Variants in TNPO1 observed in about 807,000 individuals in gnomAD.
TNPO1 encodes transportin 1, also known as transportin-1.
In TNPO1, 8 loss-of-function variants were observed where a neutral mutation model predicts 119.5. That is an observed-to-expected ratio of 0.07 (90% CI 0.04 to 0.12). TNPO1 has a LOEUF of 0.12. Among genes scored for constraint, TNPO1 ranks in the 10% least tolerant of loss-of-function variants. The pLI, the probability that TNPO1 is intolerant of heterozygous loss-of-function variation, is 1.00. For missense variants in TNPO1, 576 were observed against 1,089.8 expected (o/e 0.53, Z 6.64); for synonymous variants, 362 against 363.0 (o/e 1.00, Z 0.03).
At chr5:72,837,089 A>G (rs1373285535) in intron 1 of TNPO1, among the ~76,000 whole-genome samples, 1 of 152,066 alleles carries the variant, frequency 6.6e-6, no homozygotes, top group Non-Finnish European at 1.5e-5. Context: ...CCATTACCCA[A>G]TTGCAAAGCC....
intron 9 of TNPO1, among the ~76,000 whole-genome samples, chr5:72,881,959 T>A (rs1278836525): frequency 2.0e-5 from 3 of 152,220 alleles, no homozygotes; most frequent in Non-Finnish European, 4.4e-5. Flanking sequence ...TGGGACTTAC[T>A]GTCTTCACTT....
intron 18 of TNPO1, 112 bp from the exon 19 acceptor site, chr5:72,896,346 G>T: frequency 9.0e-6 from 5 of 558,118 alleles, no homozygotes; most frequent in Non-Finnish European, 1.2e-5. Context: ...TTTTTTAATG[G>T]TGAAACTTGT....
Position 72,900,969 on chromosome 5 carries a change from A to G in TNPO1, c.2415-5A>G. 1 of 1,598,628 alleles carries G rather than the reference A, an allele frequency of 6.3e-7. No homozygotes were observed. Among genetic ancestry groups the G allele is most frequent in the African/African-American group, 1.3e-5 (1 of 74,412 alleles). On this transcript the variant is annotated splice_polypyrimidine_tract_variant and splice_region_variant and intron_variant, in intron 21 of 24. Coordinates refer to ENST00000337273, the MANE Select transcript of TNPO1 (RefSeq NM_002270.4). ...AATGCTAAACTCAATTCTGTAATTCAATAGGTGCACCTCTCTGAGAAACAT... is the reference window on the plus strand; with the variant it reads ...AATGCTAAACTCAATTCTGTAATTCGATAGGTGCACCTCTCTGAGAAACAT...
At chr5:72,855,732 A>C in intron 3 of TNPO1, 42 bp from the exon 4 acceptor site, 1 of 1,497,948 alleles carries the variant, frequency 6.7e-7, no homozygotes, top group Non-Finnish European at 9.0e-7. Flanking sequence ...TTTTGAAATT[A>C]AGACTACTTC....
rs553828957 is a variant in TNPO1, at chr5:72,825,557, C to G, written c.15+8805C>G. The stretch of plus-strand genomic sequence containing the variant: ...AAAAAATTAGCCGGGCGTGGTGGCA[C>G]GTGCCTGTAGTCCCAGCTACTCGGG... On this transcript the variant is annotated intron_variant, in intron 1 of 24. Transcript: ENST00000337273. Among the ~76,000 whole-genome samples the G allele has an allele frequency of 2.6e-5, 4 of 152,154 alleles. No individual in the cohort carries two copies. The South Asian group carries it at 8.3e-4, about 32-fold the overall frequency.
chr5:72,820,719 T>C (rs1164407878), intron 1 of TNPO1, among the ~76,000 whole-genome samples: 4 of 152,204 alleles, frequency 2.6e-5, no homozygotes, highest in African/African-American at 7.2e-5. Flanking sequence ...TTATATCATA[T>C]ACATATTCAG....
In TNPO1 at chr5:72,914,248, T is replaced by G. The variant is rs1364096227; in HGVS notation, c.*5575T>G. On this transcript the variant is annotated 3_prime_UTR_variant, in exon 25 of 25. Coordinates refer to ENST00000337273, the MANE Select transcript of TNPO1 (RefSeq NM_002270.4). ...GCTGCTGAATTTTAAAGAGAGTTTTTTGGGGCCACCAAATATTTTGGATCA... is the reference window on the plus strand; with the variant it reads ...GCTGCTGAATTTTAAAGAGAGTTTTGTGGGGCCACCAAATATTTTGGATCA... The G allele has an allele frequency of 6.6e-6, 1 of 152,632 alleles. No individual in the cohort carries two copies. Among genetic ancestry groups the G allele is most frequent in the Non-Finnish European group, 1.5e-5 (1 of 68,022 alleles). 9.5% of individuals were successfully genotyped at this position (152,632 alleles called of 1,614,324 possible). A position where few individuals can be genotyped will look rare whatever the true frequency, so the allele number is the denominator to read the frequency against.
At chr5:72,906,717 A>G (rs1166394543) in intron 24 of TNPO1, among the ~76,000 whole-genome samples, 4 of 152,086 alleles carry the variant, frequency 2.6e-5, no homozygotes, top group Non-Finnish European at 5.9e-5. Flanking sequence ...CTCATCTCTG[A>G]GCTTCGGTTT....
At chr5:72,902,498 A>G (rs1437477884) in intron 22 of TNPO1, among the ~76,000 whole-genome samples, 1 of 150,540 alleles carries the variant, frequency 6.6e-6, no homozygotes, top group Non-Finnish European at 1.5e-5. Flanking sequence ...AGCTTTTGAC[A>G]TTTTCTGGGT....
chr5:72,898,855 C>T (rs1215409094), intron 20 of TNPO1, among the ~76,000 whole-genome samples: 1 of 152,116 alleles, frequency 6.6e-6, no homozygotes, highest in Non-Finnish European at 1.5e-5. Context: ...TAGTTTGCTT[C>T]AAGTAATCCT....
intron 18 of TNPO1, among the ~76,000 whole-genome samples, chr5:72,894,424 C>T (rs1186800719): frequency 6.6e-6 from 1 of 152,218 alleles, no homozygotes; most frequent in African/African-American, 2.4e-5. Context: ...GTAATGCCAG[C>T]ACTTTGGAAG....
At chr5:72,893,018 C>T in intron 15 of TNPO1, 121 bp from the exon 16 acceptor site, 1 of 671,670 alleles carries the variant, frequency 1.5e-6, no homozygotes, top group South Asian at 1.9e-5. Flanking sequence ...GAACCTGCTA[C>T]TGTAGAAACT....
chr5:72,820,978 A>G (rs1743932553), intron 1 of TNPO1, among the ~76,000 whole-genome samples: 1 of 152,194 alleles, frequency 6.6e-6, no homozygotes, highest in East Asian at 1.9e-4. Context: ...AATAGGTGAG[A>G]GAAAACCAAA....
At position 72,858,146 on chromosome 5, in the gene TNPO1, A is replaced by G. The variant is rs138166542; in HGVS notation, c.355+2223A>G. On this transcript the variant is annotated intron_variant, in intron 4 of 24. Coordinates refer to ENST00000337273, the MANE Select transcript of TNPO1 (RefSeq NM_002270.4). ...TACTACAGATGAAGGAGCTTCAAAC[A>G]TAACTGCAGTGTATTTTCAAATGAC... is the stretch of plus-strand genomic sequence containing the variant. Among the ~76,000 whole-genome samples, 305 of 152,368 alleles carry G rather than the reference A, an allele frequency of 2.0e-3. 3 individuals carry two copies. Among genetic ancestry groups the G allele is most frequent in the African/African-American group, 7.1e-3 (294 of 41,580 alleles).
At chr5:72,835,911 C>A (rs764139068) in intron 1 of TNPO1, among the ~76,000 whole-genome samples, 15 of 152,196 alleles carry the variant, frequency 9.9e-5, no homozygotes, top group Non-Finnish European at 2.2e-4. Context: ...AGCCCAAGAC[C>A]CACGAAGGCA....
At chr5:72,840,646 A>G (rs1744871277) in intron 1 of TNPO1, among the ~76,000 whole-genome samples, 1 of 152,132 alleles carries the variant, frequency 6.6e-6, no homozygotes, top group Admixed American at 6.5e-5. Context: ...ATTGGGTCAA[A>G]TTTTGAGATC....
chr5:72,886,888 C>CAAAAAAAAAAAAAAAAAAAAAAA (rs5868651), intron 11 of TNPO1, among the ~76,000 whole-genome samples, 182 bp from the exon 12 acceptor site: 1 of 70,376 alleles, frequency 1.4e-5, no homozygotes, highest in Non-Finnish European at 2.7e-5. Context: ...GACTCCATCT[C>CAAAAAAAAAAAAAAAAAAAAAAA]AAAAAAAAAA....
chr5:72,903,664 G>A (rs1196862719), intron 22 of TNPO1, 45 bp from the exon 23 acceptor site: 1 of 1,350,622 alleles, frequency 7.4e-7, no homozygotes, highest in Non-Finnish European at 1.0e-6. Context: ...TGCTGAGTTT[G>A]ACAAATACAA....
rs1750723685 is a variant in TNPO1 at position 72,913,946 on chromosome 5, T to TA, written c.*5274dup. On this transcript the variant is annotated 3_prime_UTR_variant, in exon 25 of 25. Coordinates refer to ENST00000337273, the MANE Select transcript of TNPO1 (RefSeq NM_002270.4). ...ATCACTTCATATTACAAAACAGTTT[T>TA]ACACTTAATATGTTAACATTGGGTG... is the stretch of plus-strand genomic sequence containing the variant. 6.6e-6 allele frequency: 1 copy of TA among 152,630 alleles called. No individual in the cohort carries two copies. Among genetic ancestry groups the TA allele is most frequent in the African/African-American group, 2.4e-5 (1 of 41,470 alleles). The allele number at this position is 152,630 out of a possible 1,614,324, so 9.5% of individuals were successfully genotyped here.
Sources: gnomAD v4.1 joint callset for allele counts (sites outside exome capture counted in the v4.1 genomes callset) on GRCh38, gnomAD v4.1.1 for gene constraint, MANE v1.5 for transcripts, NCBI Gene and HGNC (gene_info 2026-07-23, HGNC 2026-07-21) for gene names.